PTPRQ: variants seen among roughly 807,000 people sequenced by gnomAD.
PTPRQ encodes the protein protein tyrosine phosphatase receptor type Q.
A neutral mutation model predicts 246.0 loss-of-function variants in PTPRQ; 199 were observed. That is an observed-to-expected ratio of 0.81 (90% CI 0.72 to 0.91). PTPRQ has a LOEUF of 0.91. PTPRQ is among the 40% of genes least tolerant of loss of function. The probability of loss-of-function intolerance (pLI) is 0.00; values close to 1 mark genes in which losing one functional copy is unlikely to be tolerated. For missense variants in PTPRQ, 2,624 were observed against 2,528.4 expected (o/e 1.04, Z -0.81); for synonymous variants, 869 against 853.2 (o/e 1.02, Z -0.32).
Position 80,468,815 on chromosome 12 carries a change from G to C in PTPRQ, c.1016G>C (p.Arg339Thr). The change falls in exon 7 of 45, where the codon AGA becomes ACA. Residue 339 changes from arginine (R) to threonine (T), a missense_variant. By Grantham distance (71) the Arg-to-Thr change is moderately conservative (BLOSUM62 -1). Coordinates refer to ENST00000644991, the MANE Select transcript of PTPRQ (RefSeq NM_001145026.2). Reference protein sequence around the residue: ...PTIVTGKFSYRVELYGPSGRI... With the variant: ...PTIVTGKFSYTVELYGPSGRI... ...ATAGTAACAGGGAAATTTAGTTATA[G>C]AGTTGAATTATATGGACCATCAGGT... The C allele has an allele frequency of 6.5e-7, 1 of 1,549,592 alleles. No individual in the cohort carries two copies. The highest frequency in any genetic ancestry group is 8.7e-7 in the Non-Finnish European group (1 of 1,146,054).
intron 17 of PTPRQ, among the ~76,000 whole-genome samples, chr12:80,521,436 C>T (rs575631037): frequency 3.5e-4 from 54 of 152,222 alleles, no homozygotes; most frequent in African/African-American, 1.3e-3. Context: ...AAGTCCTTGC[C>T]CATGCCTATG....
At chr12:80,484,133 G>T (rs1894187852) in intron 8 of PTPRQ, among the ~76,000 whole-genome samples, 1 of 151,896 alleles carries the variant, frequency 6.6e-6, no homozygotes, top group Non-Finnish European at 1.5e-5. Flanking sequence ...AGCCTCCTGA[G>T]TAGCTGGGAT....
intron 37 of PTPRQ, among the ~76,000 whole-genome samples, chr12:80,651,855 A>G (rs1424252580): frequency 1.3e-5 from 2 of 152,020 alleles, no homozygotes; most frequent in East Asian, 1.9e-4. Context: ...CAGAATTCAG[A>G]TCTTACACCA....
Position 80,579,996 on chromosome 12 carries a change from T to C in PTPRQ, c.4286-8133T>C, listed in dbSNP as rs550466171. ...TAGTCATAAATAAACAATTTAAACTTGGTCATCCAACTTAGTGTACTTATC... is the reference window on the plus strand; with the variant it reads ...TAGTCATAAATAAACAATTTAAACTCGGTCATCCAACTTAGTGTACTTATC... On this transcript the variant is annotated intron_variant, in intron 25 of 44. Transcript: ENST00000644991. Among the ~76,000 whole-genome samples the C allele has an allele frequency of 1.3e-3, 195 of 152,290 alleles. 2 individuals are homozygous for C. Among genetic ancestry groups the C allele is most frequent in the African/African-American group, 4.6e-3 (191 of 41,558 alleles).
At chr12:80,678,193 G>C (rs1901206373) in intron 43 of PTPRQ, among the ~76,000 whole-genome samples, 1 of 140,530 alleles carries the variant, frequency 7.1e-6, no homozygotes, top group Non-Finnish European at 1.5e-5. Context: ...TAGATATGCT[G>C]ACTCACAGAT....
At chr12:80,652,424 A>G (rs1026787493) in intron 37 of PTPRQ, among the ~76,000 whole-genome samples, 1 of 152,064 alleles carries the variant, frequency 6.6e-6, no homozygotes, top group African/African-American at 2.4e-5. Context: ...ATATTAAACA[A>G]TAGTGTGTAC....
intron 35 of PTPRQ, among the ~76,000 whole-genome samples, chr12:80,644,786 T>G (rs1347241106): frequency 6.6e-6 from 1 of 151,960 alleles, no homozygotes; most frequent in African/African-American, 2.4e-5. Context: ...CAAAGAAAAA[T>G]ACAATTTAGA....
chr12:80,479,203 G>A (rs1721790091), intron 8 of PTPRQ, among the ~76,000 whole-genome samples: 1 of 150,446 alleles, frequency 6.6e-6, no homozygotes, highest in Non-Finnish European at 1.5e-5. Flanking sequence ...CAAGCCAGAA[G>A]AGAGTGGGGG....
intron 32 of PTPRQ, 109 bp from the exon 33 acceptor site, chr12:80,621,952 T>C: frequency 1.3e-6 from 1 of 781,152 alleles, no homozygotes. Flanking sequence ...TCTTGTAAAT[T>C]CATTTTCTTT....
chr12:80,613,379 AAAAC>A (rs1368684217), intron 28 of PTPRQ, among the ~76,000 whole-genome samples: 1 of 150,740 alleles, frequency 6.6e-6, no homozygotes, highest in Non-Finnish European at 1.5e-5. Flanking sequence ...AAGTGCATAT[AAAAC>A]AAACAAACTG....
chr12:80,582,974 C>A (rs1897493393), intron 25 of PTPRQ, among the ~76,000 whole-genome samples: 1 of 152,174 alleles, frequency 6.6e-6, no homozygotes, highest in African/African-American at 2.4e-5. Context: ...TGTGATTCCA[C>A]TTACATTGCC....
intron 25 of PTPRQ, among the ~76,000 whole-genome samples, chr12:80,554,075 G>A (rs1236864527): frequency 1.5e-4 from 22 of 150,822 alleles, no homozygotes; most frequent in African/African-American, 5.2e-4. Flanking sequence ...AGGTAGGAGG[G>A]GCAGGGGGGG....
At chr12:80,529,816 T>A (rs1440196339) in intron 17 of PTPRQ, among the ~76,000 whole-genome samples, 3 of 151,568 alleles carry the variant, frequency 2.0e-5, no homozygotes, top group African/African-American at 7.3e-5. Flanking sequence ...AGTAATTAAA[T>A]TTTTTTTTCA....
chr12:80,522,604 G>T (rs941056019), intron 17 of PTPRQ, among the ~76,000 whole-genome samples: 3 of 152,112 alleles, frequency 2.0e-5, no homozygotes, highest in African/African-American at 7.2e-5. Context: ...GGCCTTTTCT[G>T]CATCTATTGA....
intron 25 of PTPRQ, among the ~76,000 whole-genome samples, chr12:80,561,934 G>A (rs1021349714): frequency 1.3e-5 from 2 of 152,094 alleles, no homozygotes; most frequent in African/African-American, 4.8e-5. Context: ...TTATCGAGTT[G>A]AGGAAATTAC....
intron 7 of PTPRQ, among the ~76,000 whole-genome samples, chr12:80,469,528 T>C (rs1040997254): frequency 1.3e-5 from 2 of 152,166 alleles, no homozygotes; most frequent in African/African-American, 4.8e-5. Context: ...AGAAGTTTAA[T>C]TCTAACAATG....
At chr12:80,475,311 A>G (rs553328409) in intron 8 of PTPRQ, among the ~76,000 whole-genome samples, 7 of 152,284 alleles carry the variant, frequency 4.6e-5, no homozygotes, top group African/African-American at 1.7e-4. Context: ...AAAATTCATC[A>G]TCGAGCAGCA....
intron 44 of PTPRQ, 117 bp from the exon 45 acceptor site, chr12:80,678,869 A>G: frequency 7.7e-7 from 1 of 1,299,848 alleles, no homozygotes; most frequent in Non-Finnish European, 9.8e-7. Context: ...ACTTTTCTCT[A>G]ATCCAAGTTG....
chr12:80,613,657 TTAACGTTCC>T lies in PTPRQ; in HGVS notation c.4986_4994del (p.Leu1662_Leu1665delinsPhe), dbSNP rs1316030741. 1.3e-6 allele frequency: 2 copies of T among 1,545,810 alleles called. No homozygotes were observed. Among genetic ancestry groups the T allele is most frequent in the African/African-American group, 2.8e-5 (2 of 72,608 alleles). The stretch of plus-strand genomic sequence containing the variant: ...ACCAGATGAAGTTACAAAATTTCAA[TTAACGTTCC>T]TTCCTCCTTCTCAACCTAATGGAAA... On this transcript the variant is annotated inframe_deletion, in exon 29 of 45. Coordinates refer to ENST00000644991, the MANE Select transcript of PTPRQ (RefSeq NM_001145026.2).
Sources: gnomAD v4.1 joint callset for allele counts (sites outside exome capture counted in the v4.1 genomes callset) on GRCh38, gnomAD v4.1.1 for gene constraint, MANE v1.5 for transcripts, NCBI Gene and HGNC (gene_info 2026-07-23, HGNC 2026-07-21) for gene names.